CSMD1: variants seen among roughly 807,000 people sequenced by gnomAD.
CSMD1 encodes CUB and Sushi multiple domains 1.
Under a neutral mutation model 417.5 loss-of-function variants are expected in CSMD1, and 213 were observed. The observed-to-expected ratio is 0.51, with a 90% CI of 0.46 to 0.57. The LOEUF (loss-of-function observed/expected upper bound fraction) is 0.57, where lower values mean the gene tolerates loss of function less well. CSMD1 is among the 20% of genes least tolerant of loss of function. CSMD1 has a pLI of 0.00. For synonymous variants in CSMD1, 2,862 were observed against 1,736.8 expected, an observed-to-expected ratio of 1.65 and a Z score of -16.11; for missense variants, 6,923 against 4,529.7, an observed-to-expected ratio of 1.53 and a Z score of -15.17.
chr8:3,408,471 A>G (rs1236248202), intron 13 of CSMD1, among the ~76,000 whole-genome samples: 1 of 151,300 alleles, frequency 6.6e-6, no homozygotes, highest in African/African-American at 2.5e-5. Flanking sequence ...GCGTGGTTCA[A>G]AAATGATCCT....
intron 50 of CSMD1, among the ~76,000 whole-genome samples, chr8:3,047,041 C>G (rs748505866): frequency 6.6e-6 from 1 of 151,950 alleles, no homozygotes; most frequent in African/African-American, 2.4e-5. Context: ...AACCCTGTCT[C>G]TTCTAAAAAT....
At chr8:4,872,686 A>T (rs775395051) in intron 1 of CSMD1, among the ~76,000 whole-genome samples, 4 of 152,256 alleles carry the variant, frequency 2.6e-5, no homozygotes, top group Admixed American at 6.5e-5. Context: ...TCACAATACA[A>T]CTTGCAAGGA....
At chr8:4,409,290 TAAGTC>T (rs1216429312) in intron 3 of CSMD1, among the ~76,000 whole-genome samples, 1 of 152,238 alleles carries the variant, frequency 6.6e-6, no homozygotes, top group Non-Finnish European at 1.5e-5. Context: ...GGCTTTGTGT[TAAGTC>T]AATATATGTG....
At chr8:4,653,429 A>T (rs149711455) in intron 1 of CSMD1, among the ~76,000 whole-genome samples, 13 of 152,252 alleles carry the variant, frequency 8.5e-5, no homozygotes, top group African/African-American at 3.1e-4. Context: ...TCACAAGAGT[A>T]CCTTGTCTGT....
chr8:3,534,176 G>A (rs376200026), intron 10 of CSMD1, among the ~76,000 whole-genome samples: 1 of 152,052 alleles, frequency 6.6e-6, no homozygotes, highest in Non-Finnish European at 1.5e-5. Flanking sequence ...TCCATCTCTT[G>A]GTGTTTCATC....
intron 22 of CSMD1, among the ~76,000 whole-genome samples, chr8:3,347,571 G>T (rs1327819092): frequency 6.6e-6 from 1 of 152,146 alleles, no homozygotes; most frequent in Non-Finnish European, 1.5e-5. Flanking sequence ...CTACAGAAAG[G>T]GTTGGTTTGG....
chr8:4,470,610 T>G (rs1332245292), intron 2 of CSMD1, among the ~76,000 whole-genome samples: 1 of 152,216 alleles, frequency 6.6e-6, no homozygotes, highest in Non-Finnish European at 1.5e-5. Context: ...GTCTAAGAGC[T>G]CATAAATGGC....
chr8:3,069,590 G>A (rs1311837555), intron 49 of CSMD1, among the ~76,000 whole-genome samples: 1 of 152,174 alleles, frequency 6.6e-6, no homozygotes, highest in Admixed American at 6.5e-5. Flanking sequence ...GTTTCGCAAG[G>A]CCTTGGGCAG....
At chr8:3,982,211 T>C (rs560710567) in intron 5 of CSMD1, among the ~76,000 whole-genome samples, 46 of 145,390 alleles carry the variant, frequency 3.2e-4, no homozygotes, top group Admixed American at 6.2e-4. Context: ...AAAATAATAA[T>C]AATAAACTAG....
chr8:3,552,443 TTG>T (rs1357157065), intron 10 of CSMD1, among the ~76,000 whole-genome samples: 6 of 152,228 alleles, frequency 3.9e-5, no homozygotes, highest in South Asian at 2.1e-4. Context: ...AAAGGGATTG[TTG>T]TTAGGCAGTT....
chr8:3,790,063 G>C (rs537646733), intron 5 of CSMD1, among the ~76,000 whole-genome samples: 1 of 152,284 alleles, frequency 6.6e-6, no homozygotes, highest in South Asian at 2.1e-4. Context: ...AGAAATTAGA[G>C]AATGTCAATG....
intron 2 of CSMD1, among the ~76,000 whole-genome samples, chr8:4,482,111 C>T (rs953757796): frequency 6.6e-6 from 1 of 152,104 alleles, no homozygotes; most frequent in Non-Finnish European, 1.5e-5. Context: ...TTTTAAAAAA[C>T]TTTTAAGTTC....
intron 57 of CSMD1, among the ~76,000 whole-genome samples, 160 bp downstream of exon 57, chr8:2,972,957 C>T (rs1168522535): frequency 6.6e-6 from 1 of 152,176 alleles, no homozygotes; most frequent in East Asian, 1.9e-4. Flanking sequence ...TGCACCCAGT[C>T]ATGATTTCTG....
intron 3 of CSMD1, among the ~76,000 whole-genome samples, chr8:4,129,354 T>A (rs1197218309): frequency 2.0e-5 from 3 of 152,168 alleles, no homozygotes; most frequent in South Asian, 2.1e-4. Flanking sequence ...CCTTCTTGAA[T>A]GCATTCCCAG....
chr8:3,336,636 G>C (rs1393248051), intron 23 of CSMD1, among the ~76,000 whole-genome samples: 1 of 152,184 alleles, frequency 6.6e-6, no homozygotes, highest in Non-Finnish European at 1.5e-5. Context: ...CACACTGAGA[G>C]CATGTACTTC....
Position 3,177,975 on chromosome 8 carries a change from G to C in CSMD1, c.5725+3135C>G, listed in dbSNP as rs115127375. On this transcript the variant is annotated intron_variant, in intron 37 of 69. Transcript: ENST00000635120. ...TGTTAATTCTCACATGTCCAGTTAA[G>C]TTAAATAACGTGAACGAAGACTAAA... 2.5e-3 allele frequency among the ~76,000 whole-genome samples: 379 copies of C among 152,322 alleles called. 2 individuals are homozygous for C. Among genetic ancestry groups the C allele is most frequent in the African/African-American group, 8.7e-3 (360 of 41,570 alleles).
chr8:3,820,542 T>A (rs927184651), intron 5 of CSMD1, among the ~76,000 whole-genome samples: 8 of 152,174 alleles, frequency 5.3e-5, no homozygotes, highest in African/African-American at 1.9e-4. Context: ...AATGCCTTTT[T>A]CTTCCATTTG....
chr8:4,294,077 G>T (rs536570008), intron 3 of CSMD1, among the ~76,000 whole-genome samples: 1 of 152,280 alleles, frequency 6.6e-6, no homozygotes, highest in South Asian at 2.1e-4. Context: ...GAAATACTGC[G>T]AAGTTGAAGT....
rs1797966144 is a variant in CSMD1 at position 4,433,145 on chromosome 8, T to G, written c.303-13080A>C. Among the ~76,000 whole-genome samples the G allele has an allele frequency of 2.0e-5, 3 of 152,178 alleles. No individual in the cohort carries two copies. In the South Asian group the frequency reaches 6.2e-4, roughly 32 times the overall value. On this transcript the variant is annotated intron_variant, in intron 2 of 69. Coordinates refer to ENST00000635120, the MANE Select transcript of CSMD1 (RefSeq NM_033225.6). ...ACTGACCAGTTGCAGAAAAACAAGC[T>G]CAGAGCTCCCACTGATTCTGCATTA...
Sources: allele counts gnomAD v4.1 joint callset (sites outside exome capture counted in the v4.1 genomes callset), GRCh38; gene constraint gnomAD v4.1.1; transcripts MANE v1.5; gene names NCBI Gene and HGNC (gene_info 2026-07-23, HGNC 2026-07-21).